Variants in HS6ST2 observed in about 807,000 individuals in gnomAD.
The protein encoded by HS6ST2 is heparan-sulfate 6-O-sulfotransferase 2.
HS6ST2 carries 17 observed loss-of-function variants against 33.0 expected under a neutral mutation model. The ratio of observed to expected loss-of-function variants is 0.52; its 90% CI spans 0.35 to 0.77. The LOEUF is 0.77. Among genes scored for constraint, HS6ST2 ranks in the 30% least tolerant of loss-of-function variants. The pLI is 0.01. For synonymous variants in HS6ST2, 248 were observed against 237.1 expected (o/e 1.05, Z -0.42); for missense variants, 519 against 551.7 (o/e 0.94, Z 0.59).
intron 2 of HS6ST2, among the ~76,000 whole-genome samples, chrX:132,774,365 A>G (rs779151394): frequency 1.8e-5 from 2 of 112,395 alleles, no homozygotes; most frequent in East Asian, 5.6e-4. Flanking sequence ...TCCACCCCAA[A>G]CATTTATTTT....
rs762160257 is a variant in HS6ST2 at position 132,743,759 on chromosome X, TTTTG to T, written c.948-35269_948-35266del. Among the ~76,000 whole-genome samples the T allele has an allele frequency of 4.1e-4, 46 of 111,424 alleles. 1 individual carries two copies. Among genetic ancestry groups the T allele is most frequent in the South Asian group, 2.3e-3 (6 of 2,605 alleles). ...TATCCACTGCACCAATTGCAGCGTT[TTTTG>T]TTTGTTTGTTTGTTTGTTTTTTGAG... On this transcript the variant is annotated intron_variant, in intron 2 of 4. Transcript: ENST00000370833.
At chrX:132,732,646 C>G (rs1178877788) in intron 2 of HS6ST2, among the ~76,000 whole-genome samples, 1 of 111,550 alleles carries the variant, frequency 9.0e-6, no homozygotes, top group East Asian at 2.8e-4. Flanking sequence ...TGCACAAGCT[C>G]TCTTACCTGC....
chrX:132,807,579 G>A (rs2065297390), intron 2 of HS6ST2, among the ~76,000 whole-genome samples: 1 of 111,164 alleles, frequency 9.0e-6, no homozygotes, highest in African/African-American at 3.3e-5. Flanking sequence ...TCTTTATCGA[G>A]CTCAGGTCAG....
chrX:132,866,953 T>C (rs1186976646), intron 2 of HS6ST2, among the ~76,000 whole-genome samples: 1 of 101,867 alleles, frequency 9.8e-6, no homozygotes, highest in Non-Finnish European at 2.0e-5. Flanking sequence ...CCTCTTTTCC[T>C]AATTGAATAC....
At chrX:132,851,454 G>A (rs1164765730) in intron 2 of HS6ST2, among the ~76,000 whole-genome samples, 3 of 112,444 alleles carry the variant, frequency 2.7e-5, no homozygotes, top group Admixed American at 9.4e-5. Context: ...TGGGAAAGTC[G>A]CTTAACTTCT....
intron 2 of HS6ST2, among the ~76,000 whole-genome samples, chrX:132,709,263 T>G (rs1191971787): frequency 8.9e-6 from 1 of 112,508 alleles, no homozygotes; most frequent in Non-Finnish European, 1.9e-5. Context: ...TCAGTTAGCC[T>G]TTTGTTTTTT....
At chrX:132,933,301 C>T (rs2066794106) in intron 2 of HS6ST2, among the ~76,000 whole-genome samples, 2 of 111,009 alleles carry the variant, frequency 1.8e-5, no homozygotes, top group Non-Finnish European at 3.8e-5. Flanking sequence ...GCACTCCAGC[C>T]TGGGTGACAG....
chrX:132,807,025 C>T (rs1006479171), intron 2 of HS6ST2, among the ~76,000 whole-genome samples: 1 of 110,217 alleles, frequency 9.1e-6, no homozygotes, highest in African/African-American at 3.3e-5. Flanking sequence ...AAACGAGTTA[C>T]CCAAGACTGC....
rs2064363431 is a variant in HS6ST2 at position 132,723,938 on chromosome X, C to G, written c.948-15444G>C. 2.7e-5 allele frequency among the ~76,000 whole-genome samples: 3 copies of G among 111,014 alleles called. No homozygotes were observed. In the South Asian group the frequency reaches 1.1e-3, roughly 42 times the overall value. On this transcript the variant is annotated intron_variant, in intron 2 of 4. Transcript: ENST00000370833. ...GATCACAAGGTCAGGAGATTGAGAC[C>G]ATCCTGGTTAACACAGTGAAACCCC...
At chrX:132,683,352 A>C (rs770345416) in intron 3 of HS6ST2, among the ~76,000 whole-genome samples, 2 of 111,989 alleles carry the variant, frequency 1.8e-5, no homozygotes, top group East Asian at 5.7e-4. Context: ...AGCACAGTAC[A>C]GAGCCTTTGT....
At chrX:132,885,461 A>G (rs1019583144) in intron 2 of HS6ST2, among the ~76,000 whole-genome samples, 1 of 111,850 alleles carries the variant, frequency 8.9e-6, no homozygotes, top group South Asian at 3.8e-4. Context: ...ACATCTTTTC[A>G]GAAAGCAAGA....
chrX:132,666,753 C>A (rs1325171167), intron 4 of HS6ST2, among the ~76,000 whole-genome samples: 1 of 111,668 alleles, frequency 9.0e-6, no homozygotes, highest in Non-Finnish European at 1.9e-5. Context: ...AAGGAAAGAA[C>A]CCTCCTTCTA....
chrX:132,761,100 C>G (rs1282814372), intron 2 of HS6ST2, among the ~76,000 whole-genome samples: 1 of 111,467 alleles, frequency 9.0e-6, no homozygotes, highest in Non-Finnish European at 1.9e-5. Context: ...TGGAAAAAGA[C>G]TTTTGCCTCT....
intron 2 of HS6ST2, among the ~76,000 whole-genome samples, chrX:132,794,934 C>T (rs890980918): frequency 3.6e-5 from 4 of 110,393 alleles, no homozygotes; most frequent in Non-Finnish European, 7.6e-5. Context: ...AGGATTGTCA[C>T]CTTGTCTCGT....
chrX:132,913,848 G>A (rs2066558172), intron 2 of HS6ST2, among the ~76,000 whole-genome samples: 1 of 112,102 alleles, frequency 8.9e-6, no homozygotes, highest in African/African-American at 3.2e-5. Flanking sequence ...GTTATAGCAA[G>A]TAAAATGAGT....
At chrX:132,956,784 G>T in intron 2 of HS6ST2, 24 bp downstream of exon 2, 1 of 1,143,590 alleles carries the variant, frequency 8.7e-7, no homozygotes, top group Non-Finnish European at 1.2e-6. Context: ...CCCGGGTCCC[G>T]CTCGACTACC....
At chrX:132,717,490 A>C (rs2148260135) in intron 2 of HS6ST2, among the ~76,000 whole-genome samples, 1 of 112,880 alleles carries the variant, frequency 8.9e-6, no homozygotes, top group Admixed American at 9.3e-5. Flanking sequence ...GGTTTTGATG[A>C]AAGATATGAA....
At chrX:132,919,138 C>T (rs2066624731) in intron 2 of HS6ST2, among the ~76,000 whole-genome samples, 1 of 112,238 alleles carries the variant, frequency 8.9e-6, no homozygotes, top group Admixed American at 9.5e-5. Context: ...TAGTTAACCA[C>T]TAGCAGACTA....
In HS6ST2 at chrX:132,882,287, C is replaced by A. The variant is rs1436549897; in HGVS notation, c.947+74521G>T. On this transcript the variant is annotated intron_variant, in intron 2 of 4. Transcript: ENST00000370833. Reference sequence around the variant, plus strand: ...GAATGCTCTTCCATTTGTTTGTGTCCTCTTTTATTTCCTTGAGCAGTGGTT... The same window carrying A: ...GAATGCTCTTCCATTTGTTTGTGTCATCTTTTATTTCCTTGAGCAGTGGTT... Among the ~76,000 whole-genome samples the A allele has an allele frequency of 3.6e-5, 4 of 111,016 alleles. No homozygotes were observed. The East Asian group carries it at 1.1e-3, about 31-fold the overall frequency.
Sources: gnomAD v4.1 joint callset for allele counts (sites outside exome capture counted in the v4.1 genomes callset) on GRCh38, gnomAD v4.1.1 for gene constraint, MANE v1.5 for transcripts, NCBI Gene and HGNC (gene_info 2026-07-23, HGNC 2026-07-21) for gene names.